Variants in MARK4 observed in about 807,000 individuals in gnomAD.
The protein encoded by MARK4 is microtubule affinity regulating kinase 4, also known as MAP/microtubule affinity-regulating kinase 4.
Under a neutral mutation model 81.5 loss-of-function variants are expected in MARK4, and 19 were observed. That is an observed-to-expected ratio of 0.23 (90% CI 0.16 to 0.34). The LOEUF (loss-of-function observed/expected upper bound fraction) is 0.34, where lower values mean the gene tolerates loss of function less well. Among genes scored for constraint, MARK4 ranks in the 10% least tolerant of loss-of-function variants. The pLI, the probability that MARK4 is intolerant of heterozygous loss-of-function variation, is 1.00. For missense variants in MARK4, 772 were observed against 1,058.8 expected (o/e 0.73, Z 3.76); for synonymous variants, 436 against 439.0 (o/e 0.99, Z 0.08).
chr19:45,269,098 C>T (rs1405272862), intron 7 of MARK4, among the ~76,000 whole-genome samples: 1 of 152,180 alleles, frequency 6.6e-6, no homozygotes, highest in Non-Finnish European at 1.5e-5. Flanking sequence ...AATCCCTGGC[C>T]TGGCGTGACG....
chr19:45,300,487 A>T (rs1180115340), intron 16 of MARK4, among the ~76,000 whole-genome samples: 1 of 152,040 alleles, frequency 6.6e-6, no homozygotes, highest in Admixed American at 6.6e-5. Context: ...GGAGGCAAAC[A>T]TCTGTACGGA....
rs557037293 is a variant in MARK4 at position 45,301,212 on chromosome 19, G to A, written c.1923-1162G>A. On this transcript the variant is annotated intron_variant, in intron 16 of 16. Transcript: ENST00000262891. ...GCAGGAGGATCACTTGAGCCCAGGAGGTCGAGGCTGCAGTGAGCTGTGATT... is the reference window on the plus strand; with the variant it reads ...GCAGGAGGATCACTTGAGCCCAGGAAGTCGAGGCTGCAGTGAGCTGTGATT... 7.2e-4 allele frequency among the ~76,000 whole-genome samples: 109 copies of A among 152,238 alleles called. 1 individual carries two copies. Among genetic ancestry groups the A allele is most frequent in the South Asian group, 2.5e-3 (12 of 4,824 alleles).
chr19:45,255,484 C>T lies in MARK4; in HGVS notation c.52-3505C>T, dbSNP rs1033653659. Among the ~76,000 whole-genome samples the T allele has an allele frequency of 4.0e-5, 6 of 150,770 alleles. No individual in the cohort carries two copies. The Admixed American group carries it at 4.0e-4, about 10-fold the overall frequency. On this transcript the variant is annotated intron_variant, in intron 1 of 16. Coordinates refer to ENST00000262891, the MANE Select transcript of MARK4 (RefSeq NM_001199867.2). ...GCTGAGGCAGGAGAATTGCTTGAAC[C>T]CAGGAGGTGGAGGTTGCAGTGAGTT...
rs946012126 is a variant in MARK4, at chr19:45,271,875, G to A, written c.786+167G>A. ...AGTCCCCTCTGCAGTGAGGCCAGCC[G>A]AATGGACTGTGCCATGCTGGGGTTA... On this transcript the variant is annotated intron_variant, in intron 8 of 16. Coordinates refer to ENST00000262891, the MANE Select transcript of MARK4 (RefSeq NM_001199867.2). The surrounding 1 kb of genome is among the most constrained non-coding windows in gnomAD (Gnocchi z 4.1). Among the ~76,000 whole-genome samples, 4 of 152,208 alleles carry A rather than the reference G, an allele frequency of 2.6e-5. No homozygotes were observed. Among genetic ancestry groups the A allele is most frequent in the African/African-American group, 9.7e-5 (4 of 41,444 alleles).
chr19:45,251,923 C>G (rs1389934975), intron 1 of MARK4, among the ~76,000 whole-genome samples: 1 of 152,016 alleles, frequency 6.6e-6, no homozygotes, highest in Non-Finnish European at 1.5e-5. Flanking sequence ...TCCCCTGCTT[C>G]CAGGAGCCCC....
intron 16 of MARK4, among the ~76,000 whole-genome samples, chr19:45,301,889 G>A (rs344801): frequency 0.69 from 101,605 of 147,036 alleles, 35,962 homozygotes; most frequent in African/African-American, 0.81. Context: ...AAAAGAAAAG[G>A]AAAAAGAAAT....
Position 45,271,951 on chromosome 19 carries a change from C to T in MARK4, c.786+243C>T, listed in dbSNP as rs1599786534. Reference sequence around the variant, plus strand: ...GCTTGAGTTCAAATCCTGACTCATCCGTTCACTGAGCTAATATTTATGGCC... The same window carrying T: ...GCTTGAGTTCAAATCCTGACTCATCTGTTCACTGAGCTAATATTTATGGCC... On this transcript the variant is annotated intron_variant, in intron 8 of 16. Coordinates refer to ENST00000262891, the MANE Select transcript of MARK4 (RefSeq NM_001199867.2). The surrounding 1 kb of genome is among the most constrained non-coding windows in gnomAD (Gnocchi z 4.1). 1.3e-5 allele frequency among the ~76,000 whole-genome samples: 2 copies of T among 152,318 alleles called. No homozygotes were observed. Among genetic ancestry groups the T allele is most frequent in the Middle Eastern group, 3.4e-3 (1 of 294 alleles).
At chr19:45,294,198 C>G (rs931927514) in intron 13 of MARK4, 151 bp from the exon 14 acceptor site, 2 of 694,362 alleles carry the variant, frequency 2.9e-6, no homozygotes, top group African/African-American at 3.6e-5. Context: ...CCTTTCACAT[C>G]TTTGGGACCT....
intron 8 of MARK4, among the ~76,000 whole-genome samples, chr19:45,272,770 C>A (rs979476396): frequency 6.6e-6 from 1 of 152,060 alleles, no homozygotes. Context: ...CACCTGTAAT[C>A]CCAGCTACTG....
chr19:45,282,204 C>T (rs1568498530), intron 12 of MARK4, among the ~76,000 whole-genome samples: 1 of 146,746 alleles, frequency 6.8e-6, no homozygotes, highest in Admixed American at 6.9e-5. Context: ...GCCTGGGCAA[C>T]AGAGAGACCT....
chr19:45,267,015 A>G (rs1970463713), intron 7 of MARK4, among the ~76,000 whole-genome samples: 1 of 152,024 alleles, frequency 6.6e-6, no homozygotes, highest in Non-Finnish European at 1.5e-5. Flanking sequence ...TACAGGCATG[A>G]GCCACGGCAC....
intron 13 of MARK4, chr19:45,288,174 G>A (rs1970771709): frequency 6.2e-6 from 1 of 161,854 alleles, no homozygotes; most frequent in Non-Finnish European, 1.4e-5. Context: ...GCTACAGGGA[G>A]CTGTGTTCCC....
At chr19:45,294,211 C>A in intron 13 of MARK4, 138 bp from the exon 14 acceptor site, 1 of 741,140 alleles carries the variant, frequency 1.3e-6, no homozygotes, top group South Asian at 1.7e-5. Context: ...TGGGACCTTT[C>A]ACCATCTCCT....
In MARK4 at chr19:45,297,904, C is replaced by G. The variant is rs1216140102; in HGVS notation, c.1827C>G (p.Pro609=). 1.0e-5 allele frequency: 16 copies of G among 1,550,002 alleles called. No homozygotes were observed. The highest frequency in any genetic ancestry group is 5.9e-5 in the Admixed American group (3 of 50,968). The part of the protein sequence containing the change: ...HEAAPLPAGR[P]RPTTNLFTKL... ...CTGCACCCCTGCCCGCCGGGCGGCCCCGCCCCACCACCAACCTCTTCACCA... is the reference window on the plus strand; with the variant it reads ...CTGCACCCCTGCCCGCCGGGCGGCCGCGCCCCACCACCAACCTCTTCACCA... The change falls in exon 15 of 17, where the codon CCC becomes CCG. Residue 609 remains proline, a synonymous_variant. Transcript: ENST00000262891.
intron 13 of MARK4, among the ~76,000 whole-genome samples, chr19:45,289,932 A>C (rs936956281): frequency 6.6e-6 from 1 of 152,008 alleles, no homozygotes; most frequent in Non-Finnish European, 1.5e-5. Flanking sequence ...CCCCTTCCCT[A>C]CAAAAAATAG....
At chr19:45,284,294 C>T (rs1444091368) in intron 12 of MARK4, among the ~76,000 whole-genome samples, 1 of 151,856 alleles carries the variant, frequency 6.6e-6, no homozygotes, top group African/African-American at 2.4e-5. Flanking sequence ...AGGCGTGAGC[C>T]ACTGTGCCCA....
chr19:45,278,419 T>A (rs974265233), intron 9 of MARK4, 97 bp from the exon 10 acceptor site: 5 of 1,058,078 alleles, frequency 4.7e-6, no homozygotes, highest in Non-Finnish European at 7.3e-6. Flanking sequence ...CAATTCTGGG[T>A]GTTAGGCCTC....
intron 8 of MARK4, among the ~76,000 whole-genome samples, chr19:45,276,770 G>A (rs1970603463): frequency 6.6e-6 from 1 of 151,238 alleles, no homozygotes; most frequent in Non-Finnish European, 1.5e-5. Context: ...GGATTACAGG[G>A]GTCTGCTACC....
chr19:45,301,865 CAA>C (rs11309011), intron 16 of MARK4, among the ~76,000 whole-genome samples: 49,362 of 123,880 alleles, frequency 0.4, 8,937 homozygotes, highest in Non-Finnish European at 0.43. Context: ...AACTCCGTCT[CAA>C]AAAAAAAAAA....
Sources: gnomAD v4.1 joint callset for allele counts (sites outside exome capture counted in the v4.1 genomes callset) on GRCh38, gnomAD v4.1.1 for gene constraint, Gnocchi (gnomAD v3.1) non-coding constraint, MANE v1.5 for transcripts, NCBI Gene and HGNC (gene_info 2026-07-23, HGNC 2026-07-21) for gene names.